IPO11: variants seen among roughly 807,000 people sequenced by gnomAD.
IPO11 encodes the protein importin-11.
A neutral mutation model predicts 143.2 loss-of-function variants in IPO11; 66 were observed. The ratio of observed to expected loss-of-function variants is 0.46; its 90% CI spans 0.38 to 0.57. IPO11 has a LOEUF of 0.57. Ranked by LOEUF, IPO11 falls within the 20% of genes least tolerant of loss-of-function variation. IPO11 has a pLI of 0.00. For synonymous variants in IPO11, 385 were observed against 377.8 expected, an observed-to-expected ratio of 1.02 and a Z score of -0.22; for missense variants, 1,026 against 1,141.0, an observed-to-expected ratio of 0.90 and a Z score of 1.45.
chr5:62,559,620 G>A (rs953186297), intron 26 of IPO11, among the ~76,000 whole-genome samples: 1 of 151,656 alleles, frequency 6.6e-6, no homozygotes, highest in African/African-American at 2.4e-5. Flanking sequence ...TCATCCATAA[G>A]AAGTAATTCC....
At chr5:62,426,860 A>G (rs564959736) in intron 1 of IPO11, among the ~76,000 whole-genome samples, 1 of 149,050 alleles carries the variant, frequency 6.7e-6, no homozygotes, top group African/African-American at 2.4e-5. Flanking sequence ...CTAAGAGAGA[A>G]TATTTTTAAG....
chr5:62,570,243 A>G (rs1744091480), intron 27 of IPO11, among the ~76,000 whole-genome samples: 1 of 152,106 alleles, frequency 6.6e-6, no homozygotes, highest in South Asian at 2.1e-4. Flanking sequence ...AAGGGTTATA[A>G]TCATTTATAA....
In IPO11 at chr5:62,526,181, C is replaced by A; in HGVS notation, c.1936C>A (p.Leu646Ile). 6.8e-6 allele frequency: 11 copies of A among 1,613,624 alleles called. No individual in the cohort carries two copies. Among genetic ancestry groups the A allele is most frequent in the Non-Finnish European group, 9.3e-6 (11 of 1,179,680 alleles). ...ADSKNLYPFL[L>I]PVIQLSTDVS... ...CAGCAAGAACCTGTACCCTTTCCTG[C>A]TCCCAGTTATTCAACTGAGTACAGA... The change falls in exon 21 of 30, where the codon CTC (leucine) becomes ATC (isoleucine). Residue 646 changes from leucine (L) to isoleucine (I), a missense_variant. By Grantham distance (5) the Leu-to-Ile change is conservative. Around this residue, in one of 5 missense-constraint regions of IPO11, gnomAD observed 237 missense variants for 288.0 expected, o/e 0.82. Coordinates refer to ENST00000325324, the MANE Select transcript of IPO11 (RefSeq NM_016338.5).
intron 19 of IPO11, among the ~76,000 whole-genome samples, chr5:62,513,206 G>A (rs1307855236): frequency 1.1e-3 from 169 of 151,932 alleles, no homozygotes; most frequent in African/African-American, 3.9e-3. Flanking sequence ...GGCTGGCCAG[G>A]CGGGGCGCTG....
At chr5:62,506,113 A>G (rs966375363) in intron 18 of IPO11, 128 bp from the exon 19 acceptor site, 2 of 523,092 alleles carry the variant, frequency 3.8e-6, no homozygotes, top group African/African-American at 1.9e-5. Flanking sequence ...GGTAATGCCA[A>G]GCTTTTGGCT....
rs145750694 is a variant in IPO11 at position 62,561,236 on chromosome 5, C to T, written c.2561C>T (p.Ser854Phe). Reference sequence around the variant, plus strand: ...AAACTTTCAGCTTTGGCTTTGCTCTCTCTTCTGCCATCTGATAATAGGTGA... The same window carrying T: ...AAACTTTCAGCTTTGGCTTTGCTCTTTCTTCTGCCATCTGATAATAGGTGA... The part of the protein sequence containing the change: ...RRKLSALALL[S>F]LLPSDNSVIQ... Residue 854 changes from serine (S) to phenylalanine (F), a missense_variant, in exon 27 of 30, where the codon TCT becomes TTT. Ser to Phe is a radical substitution (Grantham distance 155, BLOSUM62 -2). Around this residue, in one of 5 missense-constraint regions of IPO11, gnomAD observed 351 missense variants for 358.9 expected, o/e 0.98. Coordinates refer to ENST00000325324, the MANE Select transcript of IPO11 (RefSeq NM_016338.5). 3 of 1,581,500 alleles carry T rather than the reference C, an allele frequency of 1.9e-6. No homozygotes were observed. The highest frequency in any genetic ancestry group is 1.4e-5 in the African/African-American group (1 of 70,334).
At chr5:62,617,024 G>A (rs998260261) in intron 29 of IPO11, among the ~76,000 whole-genome samples, 10 of 152,072 alleles carry the variant, frequency 6.6e-5, no homozygotes, top group Admixed American at 5.9e-4. Flanking sequence ...GCACTTTTCA[G>A]TCCTTCACCT....
intron 27 of IPO11, chr5:62,580,894 A>G: frequency 6.4e-7 from 1 of 1,551,424 alleles, no homozygotes; most frequent in East Asian, 2.4e-5. Context: ...ACCTGTGCAA[A>G]TACAACTTAC....
chr5:62,439,812 G>T (rs142603090), intron 2 of IPO11, among the ~76,000 whole-genome samples: 1 of 151,916 alleles, frequency 6.6e-6, no homozygotes, highest in Non-Finnish European at 1.5e-5. Flanking sequence ...CCCTATACTC[G>T]CTATCTAGGT....
intron 9 of IPO11, among the ~76,000 whole-genome samples, chr5:62,479,521 C>A (rs1038103348): frequency 1.4e-4 from 22 of 152,192 alleles, no homozygotes; most frequent in Non-Finnish European, 2.4e-4. Flanking sequence ...ACACTGTCTT[C>A]CACAATGGTT....
intron 28 of IPO11, among the ~76,000 whole-genome samples, chr5:62,597,299 G>A (rs756377340): frequency 6.6e-6 from 1 of 152,156 alleles, no homozygotes; most frequent in Non-Finnish European, 1.5e-5. Context: ...TTATTTTCAA[G>A]TAGAAGAAAG....
chr5:62,584,755 T>TG lies in IPO11; in HGVS notation c.2583-6822_2583-6821insG, dbSNP rs543446924. Among the ~76,000 whole-genome samples, 240 of 151,676 alleles carry TG rather than the reference T, an allele frequency of 1.6e-3. 2 individuals are homozygous for TG. The highest frequency in any genetic ancestry group is 5.4e-3 in the Admixed American group (83 of 15,236). On this transcript the variant is annotated intron_variant, in intron 27 of 29. Transcript: ENST00000325324. ...TTGTTTTGTTTTTTGTTTTTGTTTT[T>TG]TTTTTTTAAGTGCCCACTACCACTG...
chr5:62,437,414 G>A lies in IPO11; in HGVS notation c.135G>A (p.Leu45=). 2 of 1,599,602 alleles carry A rather than the reference G, an allele frequency of 1.3e-6. No homozygotes were observed. The highest frequency in any genetic ancestry group is 1.8e-5 in the Admixed American group (1 of 56,480). The change falls in exon 2 of 30, where the codon TTG becomes TTA. Residue 45 remains leucine (L), a synonymous_variant. Transcript: ENST00000325324. ...WETQPGFYSV[L]LNIFTNHTLD... ...CACAGCCAGGTTTCTATTCAGTGTT[G>A]CTGGTAAGTTGTTCTAAAATTGTTT... is the stretch of plus-strand genomic sequence containing the variant.
At chr5:62,586,324 A>G (rs1744771083) in intron 27 of IPO11, among the ~76,000 whole-genome samples, 1 of 152,092 alleles carries the variant, frequency 6.6e-6, no homozygotes, top group Admixed American at 6.6e-5. Context: ...AAACTTTGAC[A>G]TTGGTGTCTT....
chr5:62,559,933 AAAAAAAAAAG>A (rs1427343312), intron 26 of IPO11, among the ~76,000 whole-genome samples: 41 of 142,034 alleles, frequency 2.9e-4, no homozygotes, highest in South Asian at 8.8e-4. Flanking sequence ...AAAAAAAAAA[AAAAAAAAAAG>A]AGAGAGAAAA....
chr5:62,552,375 T>C (rs1374015363), intron 26 of IPO11, among the ~76,000 whole-genome samples: 1 of 151,998 alleles, frequency 6.6e-6, no homozygotes, highest in Non-Finnish European at 1.5e-5. Context: ...ATTAGACTAA[T>C]CTAATTAGAG....
chr5:62,472,670 G>C (rs1335469041), intron 7 of IPO11, among the ~76,000 whole-genome samples: 1 of 151,872 alleles, frequency 6.6e-6, no homozygotes, highest in Non-Finnish European at 1.5e-5. Flanking sequence ...TGGGGTTACA[G>C]GTGCCTGCCA....
intron 5 of IPO11, among the ~76,000 whole-genome samples, chr5:62,455,434 A>C (rs1182905865): frequency 1.3e-5 from 2 of 152,106 alleles, no homozygotes; most frequent in African/African-American, 4.8e-5. Context: ...GAGGCAGGAG[A>C]ATCAGTTGAA....
At chr5:62,437,644 C>G (rs1744289569) in intron 2 of IPO11, among the ~76,000 whole-genome samples, 1 of 152,090 alleles carries the variant, frequency 6.6e-6, no homozygotes, top group Non-Finnish European at 1.5e-5. Context: ...GCTCAGAAGG[C>G]AAAACTGTGA....
Sources: gnomAD v4.1 joint callset for allele counts (sites outside exome capture counted in the v4.1 genomes callset) on GRCh38, gnomAD v4.1.1 for gene constraint, gnomAD v4.1.1 regional missense constraint, MANE v1.5 for transcripts, NCBI Gene and HGNC (gene_info 2026-07-23, HGNC 2026-07-21) for gene names.